The following EPB41L4A variants were observed in gnomAD, a reference collection of about 807,000 sequenced individuals.
The protein encoded by EPB41L4A is band 4.1-like protein 4A.
Under a neutral mutation model 108.6 loss-of-function variants are expected in EPB41L4A, and 100 were observed. The observed-to-expected ratio is 0.92, with a 90% confidence interval of 0.78 to 1.09. The LOEUF is 1.09. EPB41L4A is among the 50% of genes least tolerant of loss of function. The probability of loss-of-function intolerance (pLI) is 0.00; values close to 1 mark genes in which losing one functional copy is unlikely to be tolerated. For missense variants in EPB41L4A, 1,030 were observed against 842.7 expected (o/e 1.22, Z -2.75); for synonymous variants, 319 against 289.0 (o/e 1.10, Z -1.05).
intron 2 of EPB41L4A, among the ~76,000 whole-genome samples, chr5:112,303,957 G>A (rs1031471938): frequency 1.3e-5 from 2 of 152,042 alleles, no homozygotes; most frequent in South Asian, 4.2e-4. Flanking sequence ...GAGCAGGTAG[G>A]GTACAGAGAC....
intron 1 of EPB41L4A, among the ~76,000 whole-genome samples, chr5:112,361,537 A>T (rs1423110560): frequency 3.1e-5 from 4 of 127,416 alleles, no homozygotes; most frequent in South Asian, 2.7e-4. Context: ...AAAAAAAAAA[A>T]AGAATAAAAA....
chr5:112,173,864 C>A (rs6594571), intron 18 of EPB41L4A, among the ~76,000 whole-genome samples: 114,777 of 151,878 alleles, frequency 0.76, 43,775 homozygotes, highest in East Asian at 1. Context: ...GGATGGTCTC[C>A]ATCTCTTGAC....
At chr5:112,169,164 G>C in intron 20 of EPB41L4A, 59 bp from the exon 21 acceptor site, 1 of 1,240,818 alleles carries the variant, frequency 8.1e-7, no homozygotes, top group Non-Finnish European at 1.2e-6. Context: ...AGGAAAAGTA[G>C]GAGTTCTTAA....
At chr5:112,194,479 A>G (rs1761861663) in intron 17 of EPB41L4A, 89 bp downstream of exon 17, 1 of 731,308 alleles carries the variant, frequency 1.4e-6, no homozygotes, top group Non-Finnish European at 2.2e-6. Context: ...CAGATGGAAA[A>G]AACAGACTTA....
At chr5:112,409,061 C>T (rs1762260592) in intron 1 of EPB41L4A, among the ~76,000 whole-genome samples, 1 of 151,984 alleles carries the variant, frequency 6.6e-6, no homozygotes, top group South Asian at 2.1e-4. Context: ...TTTGTAATAG[C>T]CAAACAGTGT....
At chr5:112,229,910 C>A (rs1748748591) in intron 12 of EPB41L4A, among the ~76,000 whole-genome samples, 1 of 151,188 alleles carries the variant, frequency 6.6e-6, no homozygotes, top group East Asian at 1.9e-4. Context: ...ATGGTGTGAA[C>A]CCAGGAGGCA....
intron 1 of EPB41L4A, among the ~76,000 whole-genome samples, chr5:112,310,124 T>C (rs1754955121): frequency 1.3e-5 from 2 of 152,226 alleles, no homozygotes; most frequent in Non-Finnish European, 2.9e-5. Context: ...TAAATGACTG[T>C]ATGTTTAAAC....
At chr5:112,393,474 T>C (rs1264713082) in intron 1 of EPB41L4A, among the ~76,000 whole-genome samples, 1 of 152,000 alleles carries the variant, frequency 6.6e-6, no homozygotes, top group South Asian at 2.1e-4. Context: ...TCTACGCAAA[T>C]AAACTAGAAA....
At chr5:112,288,080 T>C (rs1023055759) in intron 2 of EPB41L4A, among the ~76,000 whole-genome samples, 2 of 152,248 alleles carry the variant, frequency 1.3e-5, no homozygotes, top group African/African-American at 2.4e-5. Context: ...TCCAGCATGC[T>C]GTCAGGTAAA....
intron 1 of EPB41L4A, among the ~76,000 whole-genome samples, chr5:112,416,739 A>C (rs1222932476): frequency 1.3e-5 from 2 of 152,218 alleles, no homozygotes; most frequent in Non-Finnish European, 1.5e-5. Flanking sequence ...CCTATGCACC[A>C]TAATACAGGA....
intron 9 of EPB41L4A, among the ~76,000 whole-genome samples, chr5:112,241,356 T>C (rs1470886112): frequency 6.6e-6 from 1 of 152,202 alleles, no homozygotes; most frequent in Non-Finnish European, 1.5e-5. Flanking sequence ...ACTGAGTGGA[T>C]CAAATTCAAC....
chr5:112,328,839 C>G (rs1756363578), intron 1 of EPB41L4A, among the ~76,000 whole-genome samples: 1 of 152,218 alleles, frequency 6.6e-6, no homozygotes, highest in Non-Finnish European at 1.5e-5. Flanking sequence ...TATTTAAAGT[C>G]TACATAATGA....
intron 15 of EPB41L4A, chr5:112,196,879 C>G (rs71579178): frequency 6.6e-6 from 1 of 152,290 alleles, no homozygotes; most frequent in Non-Finnish European, 1.5e-5. Flanking sequence ...CTGCAACCCT[C>G]TGACCCACAG....
intron 12 of EPB41L4A, among the ~76,000 whole-genome samples, chr5:112,148,816 G>C (rs765661228): frequency 5.3e-4 from 80 of 152,078 alleles, no homozygotes; most frequent in Admixed American, 1.4e-3. Flanking sequence ...GCAAATCACT[G>C]TTGCCAGCAA....
intron 1 of EPB41L4A, among the ~76,000 whole-genome samples, chr5:112,388,003 G>C (rs1760675203): frequency 1.3e-5 from 2 of 152,298 alleles, no homozygotes; most frequent in South Asian, 2.1e-4. Flanking sequence ...TAGGAGGACT[G>C]ACAGAAATTT....
intron 12 of EPB41L4A, among the ~76,000 whole-genome samples, chr5:112,221,046 G>A (rs1053663619): frequency 2.0e-5 from 3 of 152,098 alleles, no homozygotes; most frequent in African/African-American, 4.8e-5. Flanking sequence ...ATTAAACAAA[G>A]TTGTACACTT....
chr5:112,354,036 C>G (rs1758218449), intron 1 of EPB41L4A, among the ~76,000 whole-genome samples: 1 of 152,180 alleles, frequency 6.6e-6, no homozygotes, highest in Non-Finnish European at 1.5e-5. Context: ...AGCATGGACT[C>G]TGAAACCAGA....
At chr5:112,306,733 A>G (rs1754706295) in intron 2 of EPB41L4A, among the ~76,000 whole-genome samples, 1 of 152,196 alleles carries the variant, frequency 6.6e-6, no homozygotes, top group South Asian at 2.1e-4. Context: ...ACATTAATAA[A>G]TATCCTTTCG....
intron 12 of EPB41L4A, among the ~76,000 whole-genome samples, chr5:112,146,772 C>T (rs766478395): frequency 6.6e-6 from 1 of 152,248 alleles, no homozygotes; most frequent in East Asian, 1.9e-4. Flanking sequence ...GACTGAAGCA[C>T]CAGCTTTATC....
Sources: allele counts gnomAD v4.1 joint callset (sites outside exome capture counted in the v4.1 genomes callset), GRCh38; gene constraint gnomAD v4.1.1; transcripts MANE v1.5; gene names NCBI Gene and HGNC (gene_info 2026-07-23, HGNC 2026-07-21).